TAF3: variants seen among roughly 807,000 people sequenced by gnomAD.
TAF3 encodes the protein transcription initiation factor TFIID subunit 3.
In TAF3, 7 loss-of-function variants were observed where a neutral mutation model predicts 80.6. The observed-to-expected ratio is 0.09, with a 90% CI of 0.05 to 0.16. TAF3 has a LOEUF of 0.16. Ranked by LOEUF, TAF3 falls within the 10% of genes least tolerant of loss-of-function variation. The probability of loss-of-function intolerance (pLI) is 1.00; values close to 1 mark genes in which losing one functional copy is unlikely to be tolerated. For missense variants in TAF3, 921 were observed against 1,140.2 expected, an observed-to-expected ratio of 0.81 and a Z score of 2.77; for synonymous variants, 444 against 446.1, an observed-to-expected ratio of 1.00 and a Z score of 0.06.
Position 7,909,596 on chromosome 10 carries a change from T to C in TAF3, c.410-54324T>C, listed in dbSNP as rs901070468. Among the ~76,000 whole-genome samples, 12 of 152,134 alleles carry C rather than the reference T, an allele frequency of 7.9e-5. No individual in the cohort carries two copies. In the South Asian group the frequency reaches 8.3e-4, roughly 10 times the overall value. On this transcript the variant is annotated intron_variant, in intron 2 of 6. Coordinates refer to ENST00000344293, the MANE Select transcript of TAF3 (RefSeq NM_031923.4). Reference sequence around the variant, plus strand: ...GGAAGAGCCAAATATTTAGAAAGGGTGATGAATTAAAGTTTAGAAATATTA... The same window carrying C: ...GGAAGAGCCAAATATTTAGAAAGGGCGATGAATTAAAGTTTAGAAATATTA...
In TAF3 at chr10:7,964,642, A is replaced by G; in HGVS notation, c.1132A>G (p.Lys378Glu). The G allele has an allele frequency of 3.7e-6, 6 of 1,614,176 alleles. No homozygotes were observed. Among genetic ancestry groups the G allele is most frequent in the Non-Finnish European group, 5.1e-6 (6 of 1,180,026 alleles). ...GAAACTGAACAGTGAGAATCAGCCG[A>G]AAAAGGCTGTGGTAGCAGATAAAAC... Reference protein sequence around the residue: ...AGKLNSENQPKKAVVADKTIE... With the variant: ...AGKLNSENQPEKAVVADKTIE... The change falls in exon 3 of 7, where the codon AAA (lysine) becomes GAA (glutamate). Residue 378 changes from lysine to glutamate, a missense_variant. Lys to Glu is a moderately conservative substitution (Grantham distance 56). Coordinates refer to ENST00000344293, the MANE Select transcript of TAF3 (RefSeq NM_031923.4). This position sits in a 1 kb window ranked among gnomAD's most constrained non-coding sequence, Gnocchi z 4.1.
chr10:8,013,706 G>T, intron 5 of TAF3, 25 bp from the exon 6 acceptor site: 2 of 1,585,630 alleles, frequency 1.3e-6, no homozygotes, highest in Middle Eastern at 1.7e-4. Context: ...CTCCATTTTT[G>T]CCGCTTCCGC....
intron 2 of TAF3, among the ~76,000 whole-genome samples, chr10:7,961,534 G>C (rs1479395908): frequency 6.6e-6 from 1 of 152,062 alleles, no homozygotes; most frequent in African/African-American, 2.4e-5. Flanking sequence ...TATTTCTTTA[G>C]TTCTTCTTCC....
intron 2 of TAF3, among the ~76,000 whole-genome samples, chr10:7,961,861 T>C (rs1831504697): frequency 6.6e-6 from 1 of 152,206 alleles, no homozygotes; most frequent in Admixed American, 6.5e-5. Flanking sequence ...CCTTTTTTTT[T>C]TCTTTAAAAA....
chr10:7,860,451 A>G (rs1837132993), intron 2 of TAF3, among the ~76,000 whole-genome samples: 1 of 152,100 alleles, frequency 6.6e-6, no homozygotes, highest in Non-Finnish European at 1.5e-5. Context: ...AGTAACCCCT[A>G]CACTTTTAGT....
chr10:8,006,898 A>G (rs1831999117), intron 4 of TAF3, among the ~76,000 whole-genome samples: 1 of 152,218 alleles, frequency 6.6e-6, no homozygotes, highest in African/African-American at 2.4e-5. Flanking sequence ...GGTTCTCACT[A>G]CAACCCTCTG....
At chr10:7,977,385 C>A in intron 4 of TAF3, 62 bp downstream of exon 4, 1 of 1,513,802 alleles carries the variant, frequency 6.6e-7, no homozygotes, top group Non-Finnish European at 9.1e-7. Flanking sequence ...CTACTCTTTC[C>A]TAAGGGACTT....
intron 2 of TAF3, among the ~76,000 whole-genome samples, chr10:7,889,659 C>G (rs772396408): frequency 6.6e-6 from 1 of 152,190 alleles, no homozygotes; most frequent in Non-Finnish European, 1.5e-5. Context: ...CAAATTCCAC[C>G]TCTTAGTTAT....
chr10:7,841,484 G>A (rs949891956), intron 2 of TAF3, among the ~76,000 whole-genome samples: 3 of 152,168 alleles, frequency 2.0e-5, no homozygotes, highest in Non-Finnish European at 4.4e-5. Context: ...AACATCAGAG[G>A]TCTCTAACCT....
At position 7,964,999 on chromosome 10, in the gene TAF3, G is replaced by C. The variant is rs1196236132; in HGVS notation, c.1489G>C (p.Val497Leu). ...CTTTCCTTATATCTCTTCTCCGTCA[G>C]TGTCTCCTCCCACTCCCGAACCTCT... ...PNFPYISSPS[V>L]SPPTPEPLHK... The change falls in exon 3 of 7, where the codon GTG becomes CTG. Residue 497 changes from valine (V) to leucine (L), a missense_variant. By Grantham distance (32) the Val-to-Leu change is conservative. Transcript: ENST00000344293. The surrounding 1 kb of genome is among the most constrained non-coding windows in gnomAD (Gnocchi z 4.1). 9 of 1,614,032 alleles carry C rather than the reference G, an allele frequency of 5.6e-6. No individual in the cohort carries two copies. The highest frequency in any genetic ancestry group is 7.6e-6 in the Non-Finnish European group (9 of 1,180,024).
chr10:7,992,316 C>T (rs925760264), intron 4 of TAF3, among the ~76,000 whole-genome samples: 1 of 152,202 alleles, frequency 6.6e-6, no homozygotes, highest in African/African-American at 2.4e-5. Flanking sequence ...AGTTGATCTG[C>T]ATTTAACACA....
intron 4 of TAF3, among the ~76,000 whole-genome samples, chr10:7,987,982 T>G (rs537034204): frequency 6.6e-6 from 1 of 152,330 alleles, no homozygotes; most frequent in East Asian, 1.9e-4. Context: ...AATTGCCTTC[T>G]CTGTGATAGT....
intron 5 of TAF3, 28 bp from the exon 6 acceptor site, chr10:8,013,703 T>C: frequency 3.1e-6 from 5 of 1,600,862 alleles, no homozygotes; most frequent in Non-Finnish European, 4.3e-6. Context: ...TCCCTCCATT[T>C]TTGCCGCTTC....
rs1253590947 is a variant in TAF3 at position 7,818,895 on chromosome 10, C to T, written c.166+20C>T. 5 of 1,383,824 alleles carry T rather than the reference C, an allele frequency of 3.6e-6. No homozygotes were observed. Among genetic ancestry groups the T allele is most frequent in the Non-Finnish European group, 3.7e-6 (4 of 1,071,968 alleles). The allele number at this position is 1,383,824 out of a possible 1,614,324, so 85.7% of individuals were successfully genotyped here. The stretch of plus-strand genomic sequence containing the variant: ...AGCTCTGTGAGTACCGGGCTGGGTG[C>T]GGGAGGGCTGCCCCGGCAAGTCAAG... On this transcript the variant is annotated intron_variant, in intron 1 of 6. Transcript: ENST00000344293.
chr10:7,925,584 A>G (rs1175753142), intron 2 of TAF3, among the ~76,000 whole-genome samples: 1 of 151,988 alleles, frequency 6.6e-6, no homozygotes, highest in Non-Finnish European at 1.5e-5. Context: ...CAGGTGGATC[A>G]CTTGAGGTCA....
At chr10:7,844,163 C>G (rs918223698) in intron 2 of TAF3, among the ~76,000 whole-genome samples, 2 of 152,078 alleles carry the variant, frequency 1.3e-5, no homozygotes, top group Non-Finnish European at 2.9e-5. Context: ...GGAAACTTAC[C>G]TAAAACAGAA....
At chr10:7,841,847 G>A (rs778964499) in intron 2 of TAF3, among the ~76,000 whole-genome samples, 5 of 152,190 alleles carry the variant, frequency 3.3e-5, no homozygotes, top group Non-Finnish European at 7.3e-5. Context: ...CTTATAGTCT[G>A]CAGGCAATCC....
At chr10:7,856,777 G>A (rs1265915866) in intron 2 of TAF3, among the ~76,000 whole-genome samples, 2 of 146,814 alleles carry the variant, frequency 1.4e-5, no homozygotes, top group African/African-American at 2.5e-5. Flanking sequence ...AAAGATTAGG[G>A]TTTTATCTAA....
intron 2 of TAF3, among the ~76,000 whole-genome samples, chr10:7,962,965 A>G (rs932250325): frequency 6.6e-6 from 1 of 152,236 alleles, no homozygotes; most frequent in Non-Finnish European, 1.5e-5. Context: ...CAGGGCAAGT[A>G]ACATCGGCTC....
Sources: gnomAD v4.1 joint callset for allele counts (sites outside exome capture counted in the v4.1 genomes callset) on GRCh38, gnomAD v4.1.1 for gene constraint, Gnocchi (gnomAD v3.1) non-coding constraint, MANE v1.5 for transcripts, NCBI Gene and HGNC (gene_info 2026-07-23, HGNC 2026-07-21) for gene names.